TOR1AIP1: variants seen among roughly 807,000 people sequenced by gnomAD.
TOR1AIP1 encodes the protein torsin-1A-interacting protein 1.
TOR1AIP1 carries 54 observed loss-of-function variants against 63.3 expected under a neutral mutation model. The ratio of observed to expected loss-of-function variants is 0.85; its 90% CI spans 0.69 to 1.07. The LOEUF is 1.07. Among genes scored for constraint, TOR1AIP1 ranks in the 50% least tolerant of loss-of-function variants. The pLI is 0.00. For missense variants in TOR1AIP1, 736 were observed against 715.0 expected (o/e 1.03, Z -0.33); for synonymous variants, 294 against 273.5 (o/e 1.07, Z -0.74).
chr1:179,894,586 G>C (rs996660656), intron 3 of TOR1AIP1, among the ~76,000 whole-genome samples: 7 of 152,104 alleles, frequency 4.6e-5, no homozygotes, highest in African/African-American at 1.7e-4. Flanking sequence ...CACTTGGGAG[G>C]CAGGCAGGAG....
At chr1:179,913,231 C>T (rs570359707) in intron 8 of TOR1AIP1, among the ~76,000 whole-genome samples, 3 of 150,566 alleles carry the variant, frequency 2.0e-5, no homozygotes, top group Non-Finnish European at 2.9e-5. Context: ...CTTGATTTGT[C>T]GGAATTACAG....
At chr1:179,903,887 A>T in intron 5 of TOR1AIP1, 79 bp from the exon 6 acceptor site, 2 of 988,234 alleles carry the variant, frequency 2.0e-6, no homozygotes, top group Non-Finnish European at 3.0e-6. Context: ...TCTTTTTATT[A>T]ATTTCTCACT....
chr1:179,888,280 T>C (rs1022244087), intron 2 of TOR1AIP1, among the ~76,000 whole-genome samples: 1 of 151,888 alleles, frequency 6.6e-6, no homozygotes, highest in Non-Finnish European at 1.5e-5. Context: ...GTGTGCAGGG[T>C]TTTTGTTTTT....
rs761950048 is a variant in TOR1AIP1 at position 179,882,791 on chromosome 1, G to A, written c.289G>A (p.Glu97Lys). 21 of 1,614,096 alleles carry A rather than the reference G, an allele frequency of 1.3e-5. No individual in the cohort carries two copies. Among genetic ancestry groups the A allele is most frequent in the Non-Finnish European group, 1.8e-5 (21 of 1,180,054 alleles). The change falls in exon 1 of 10, where the codon GAG (glutamate) becomes AAG (lysine). Residue 97 changes from glutamate (E) to lysine (K), a missense_variant. Physicochemically the swap from Glu to Lys is moderately conservative, Grantham distance 56. Transcript: ENST00000606911. Reference protein sequence around the residue: ...LEEFRSDSAKEEVRESAYYLR... With the variant: ...LEEFRSDSAKKEVRESAYYLR... ...AGAGTTCCGGTCCGATTCTGCGAAAGAGGAAGTGAGAGAAAGCGCGTACTA... is the reference window on the plus strand; with the variant it reads ...AGAGTTCCGGTCCGATTCTGCGAAAAAGGAAGTGAGAGAAAGCGCGTACTA...
chr1:179,901,092 A>C (rs1038218613), intron 4 of TOR1AIP1, among the ~76,000 whole-genome samples: 30 of 152,244 alleles, frequency 2.0e-4, no homozygotes, highest in African/African-American at 7.0e-4. Flanking sequence ...GGAAAGTATT[A>C]TGTGCCCCAG....
chr1:179,903,666 G>A (rs942446701), intron 5 of TOR1AIP1, among the ~76,000 whole-genome samples: 64 of 151,934 alleles, frequency 4.2e-4, no homozygotes, highest in Non-Finnish European at 1.3e-4. Context: ...GCGCCACCAC[G>A]CCCAGATAAT....
rs55752745 is a variant in TOR1AIP1 at position 179,907,593 on chromosome 1, T to TTATATATATA, written c.797-214_797-205dup. Among the ~76,000 whole-genome samples the TTATATATATA allele has an allele frequency of 8.9e-3, 564 of 63,142 alleles. 8 individuals carry two copies. Among genetic ancestry groups the TTATATATATA allele is most frequent in the Middle Eastern group, 0.028 (3 of 106 alleles). 41.4% of individuals were successfully genotyped at this position (63,142 alleles called of 152,430 possible). On this transcript the variant is annotated intron_variant, in intron 6 of 9. Transcript: ENST00000606911. ...AGGGGGAAAGAAATACACACACACT[T>TTATATATATA]TATATATATATATATATATATATAT...
chr1:179,889,397 C>A, intron 3 of TOR1AIP1, 28 bp downstream of exon 3: 1 of 1,572,106 alleles, frequency 6.4e-7, no homozygotes, highest in Non-Finnish European at 8.7e-7. Flanking sequence ...TGTTGGTTTA[C>A]CTTTGTTATA....
chr1:179,888,430 T>C (rs963339713), intron 2 of TOR1AIP1, among the ~76,000 whole-genome samples: 1 of 152,172 alleles, frequency 6.6e-6, no homozygotes, highest in Non-Finnish European at 1.5e-5. Context: ...CACACCACTA[T>C]GCCCAGACAG....
intron 3 of TOR1AIP1, among the ~76,000 whole-genome samples, chr1:179,890,723 G>A (rs1648050363): frequency 6.6e-6 from 1 of 151,998 alleles, no homozygotes; most frequent in East Asian, 1.9e-4. Context: ...AGGCTCAACT[G>A]AGCCTCCTAC....
rs770620648 is a variant in TOR1AIP1 at position 179,882,763 on chromosome 1, A to G, written c.261A>G (p.Leu87=). ...CCCCGGTGGGAAAACGAACCCGGCT[A>G]GAAGAGTTCCGGTCCGATTCTGCGA... ...ERSPVGKRTR[L]EEFRSDSAKE... Residue 87 remains leucine (L), a synonymous_variant, in exon 1 of 10, where the codon CTA becomes CTG. Transcript: ENST00000606911. 6 of 1,614,212 alleles carry G rather than the reference A, an allele frequency of 3.7e-6. No homozygotes were observed. The South Asian group carries it at 5.5e-5, about 15-fold the overall frequency.
intron 3 of TOR1AIP1, among the ~76,000 whole-genome samples, chr1:179,894,033 G>A (rs189536422): frequency 1.6e-4 from 24 of 152,002 alleles, no homozygotes; most frequent in Admixed American, 1.3e-3. Context: ...GGAGGCAGAG[G>A]CGGGCGGATC....
At chr1:179,898,846 CAG>C (rs1648362787) in intron 3 of TOR1AIP1, among the ~76,000 whole-genome samples, 1 of 151,398 alleles carries the variant, frequency 6.6e-6, no homozygotes, top group African/African-American at 2.4e-5. Flanking sequence ...CTTAATACAC[CAG>C]AGTCTAGCTC....
At chr1:179,887,302 G>A (rs1230845629) in intron 2 of TOR1AIP1, among the ~76,000 whole-genome samples, 7 of 152,162 alleles carry the variant, frequency 4.6e-5, no homozygotes, top group Admixed American at 4.6e-4. Context: ...GGGAGGCTGA[G>A]GCAGGAGAAT....
At chr1:179,907,901 CA>C in intron 7 of TOR1AIP1, 37 bp downstream of exon 7, 1 of 830,596 alleles carries the variant, frequency 1.2e-6, no homozygotes, top group Middle Eastern at 3.0e-4. Context: ...TTCAGCCAAT[CA>C]ATTCTTTTCT....
rs1649122555 is a variant in TOR1AIP1, at chr1:179,919,361, A to AC, written c.*1124dup. On this transcript the variant is annotated 3_prime_UTR_variant, in exon 10 of 10. Coordinates refer to ENST00000606911, the MANE Select transcript of TOR1AIP1 (RefSeq NM_015602.4). Reference sequence around the variant, plus strand: ...AGAAATGAGTTTCAGGAATTGACAAACCATTTGTTAACCAGCTGTCCTGGG... The same window carrying AC: ...AGAAATGAGTTTCAGGAATTGACAAACCCATTTGTTAACCAGCTGTCCTGGG... The AC allele has an allele frequency of 6.6e-6, 1 of 152,184 alleles. No individual in the cohort carries two copies. The highest frequency in any genetic ancestry group is 1.5e-5 in the Non-Finnish European group (1 of 68,032). 9.4% of individuals were successfully genotyped at this position (152,184 alleles called of 1,614,324 possible). A position where few individuals can be genotyped will look rare whatever the true frequency, so the allele number is the denominator to read the frequency against.
Position 179,882,432 on chromosome 1 carries a change from G to A in TOR1AIP1, c.-71G>A. ...CGCCCAACACCCCCGAGAAGCCATC[G>A]CCACCACCGGCAGGAGAACCTAGGG... On this transcript the variant is annotated 5_prime_UTR_variant, in exon 1 of 10. Transcript: ENST00000606911. 7.5e-7 allele frequency: 1 copy of A among 1,341,536 alleles called. No individual in the cohort carries two copies. The allele number at this position is 1,341,536 out of a possible 1,614,324, so 83.1% of individuals were successfully genotyped here. A position where few individuals can be genotyped will look rare whatever the true frequency, so the allele number is the denominator to read the frequency against.
At position 179,917,757 on chromosome 1, in the gene TOR1AIP1, T is replaced by C; in HGVS notation, c.1270T>C (p.Cys424Arg). Residue 424 changes from cysteine to arginine, a missense_variant, in exon 10 of 10, where the codon TGT becomes CGT. Coordinates refer to ENST00000606911, the MANE Select transcript of TOR1AIP1 (RefSeq NM_015602.4). ...AARDAEEALR[C>R]LSEQIADAYS... ...CCGAGATGCTGAAGAAGCACTTAGG[T>C]GTCTGAGTGAACAAATTGCTGATGC... The C allele has an allele frequency of 6.2e-7, 1 of 1,614,212 alleles. No homozygotes were observed. Among genetic ancestry groups the C allele is most frequent in the Non-Finnish European group, 8.5e-7 (1 of 1,180,044 alleles).
intron 3 of TOR1AIP1, among the ~76,000 whole-genome samples, chr1:179,896,615 G>A (rs531899982): frequency 1.3e-5 from 2 of 152,146 alleles, no homozygotes; most frequent in African/African-American, 2.4e-5. Context: ...ACCCTACTCA[G>A]TGGAAGAGGT....
Sources: gnomAD v4.1 joint callset for allele counts (sites outside exome capture counted in the v4.1 genomes callset) on GRCh38, gnomAD v4.1.1 for gene constraint, MANE v1.5 for transcripts, NCBI Gene and HGNC (gene_info 2026-07-23, HGNC 2026-07-21) for gene names.